The following TENM2 variants were observed in gnomAD, a reference collection of about 807,000 sequenced individuals.
TENM2 encodes the protein teneurin-2.
A neutral mutation model predicts 245.2 loss-of-function variants in TENM2; 52 were observed. The ratio of observed to expected loss-of-function variants is 0.21; its 90% CI spans 0.17 to 0.27. The LOEUF is 0.27. Among genes scored for constraint, TENM2 ranks in the 10% least tolerant of loss-of-function variants. The pLI is 1.00. For missense variants in TENM2, 3,046 were observed against 3,666.8 expected, an observed-to-expected ratio of 0.83 and a Z score of 4.37; for synonymous variants, 1,363 against 1,438.9, an observed-to-expected ratio of 0.95 and a Z score of 1.19.
chr5:167,919,716 T>TG (rs1230865639), intron 3 of TENM2, among the ~76,000 whole-genome samples: 1 of 152,122 alleles, frequency 6.6e-6, no homozygotes, highest in Admixed American at 6.5e-5. Flanking sequence ...GAAATCCCCT[T>TG]ACAGAAAGCA....
chr5:167,164,955 A>G, the TENM2 span: 1 of 152,196 alleles, frequency 6.6e-6, no homozygotes, highest in African/African-American at 2.4e-5. Flanking sequence ...AATCACGATT[A>G]TGTATTTATT....
At chr5:168,095,302 C>T (rs1793273480) in intron 8 of TENM2, among the ~76,000 whole-genome samples, 2 of 152,182 alleles carry the variant, frequency 1.3e-5, no homozygotes, top group African/African-American at 4.8e-5. Context: ...CCAAACTCAA[C>T]TAATGTCACA....
At chr5:167,850,861 C>G (rs796266999) in intron 2 of TENM2, among the ~76,000 whole-genome samples, 1 of 152,164 alleles carries the variant, frequency 6.6e-6, no homozygotes, top group African/African-American at 2.4e-5. Context: ...CTCTGTAGTG[C>G]TGGATTCAGG....
chr5:167,777,464 C>G (rs2911502), intron 2 of TENM2, among the ~76,000 whole-genome samples: 1 of 152,246 alleles, frequency 6.6e-6, no homozygotes, highest in Non-Finnish European at 1.5e-5. Flanking sequence ...GCTATTTGAT[C>G]CAATCAGTGT....
At chr5:168,083,117 G>A (rs961816394) in intron 7 of TENM2, among the ~76,000 whole-genome samples, 3 of 152,188 alleles carry the variant, frequency 2.0e-5, no homozygotes, top group African/African-American at 2.4e-5. Context: ...GAGCTTCCCG[G>A]CCACTTTGTT....
chr5:167,911,595 C>T (rs559794145), intron 3 of TENM2, among the ~76,000 whole-genome samples: 1 of 152,304 alleles, frequency 6.6e-6, no homozygotes, highest in African/African-American at 2.4e-5. Flanking sequence ...CTCTTGGGCA[C>T]CTACCCTAGG....
intron 2 of TENM2, among the ~76,000 whole-genome samples, chr5:167,564,530 A>C (rs145318277): frequency 9.8e-4 from 149 of 152,276 alleles, no homozygotes; most frequent in African/African-American, 3.1e-3. Flanking sequence ...CAGAGTTGGA[A>C]ATAATCAGCA....
At chr5:168,109,955 C>T (rs1204262149) in intron 9 of TENM2, among the ~76,000 whole-genome samples, 1 of 151,772 alleles carries the variant, frequency 6.6e-6, no homozygotes, top group Non-Finnish European at 1.5e-5. Context: ...ATGGCAGTTG[C>T]GTTACCAAAC....
rs543240180 is a variant in TENM2, at chr5:167,942,343, A to G, written c.713-10245A>G. On this transcript the variant is annotated intron_variant, in intron 3 of 28. Transcript: ENST00000518659. ...GTATCTCATTTAACTCTCTTTACCA[A>G]TTAGGAATTGTTATTAACCACCTTT... is the stretch of plus-strand genomic sequence containing the variant. Among the ~76,000 whole-genome samples, 3 of 152,288 alleles carry G rather than the reference A, an allele frequency of 2.0e-5. No homozygotes were observed. The South Asian group carries it at 6.2e-4, about 32-fold the overall frequency.
chr5:167,409,140 G>A (rs1762779658), intron 2 of TENM2, among the ~76,000 whole-genome samples: 1 of 151,864 alleles, frequency 6.6e-6, no homozygotes, highest in African/African-American at 2.4e-5. Context: ...AAGTCTACCT[G>A]TCTAGAAACT....
intron 2 of TENM2, among the ~76,000 whole-genome samples, chr5:167,446,677 G>T: frequency 8.5e-6 from 1 of 117,648 alleles, no homozygotes; most frequent in East Asian, 2.6e-4. Context: ...TAAAAGTTAT[G>T]GAGTAAACCT....
the TENM2 span, among the ~76,000 whole-genome samples, chr5:167,074,637 G>A: frequency 2.6e-5 from 4 of 152,224 alleles, no homozygotes; most frequent in Non-Finnish European, 4.4e-5. Context: ...TTTTGATGGC[G>A]AAGTAATTGA....
At chr5:167,446,049 G>A (rs1765188006) in intron 2 of TENM2, among the ~76,000 whole-genome samples, 1 of 152,170 alleles carries the variant, frequency 6.6e-6, no homozygotes, top group Non-Finnish European at 1.5e-5. Flanking sequence ...TGGGCAATGG[G>A]AGGGAAGCTA....
rs1581100639 is a variant in TENM2, at chr5:168,027,712, C to A, written c.1187-19715C>A. Among the ~76,000 whole-genome samples, 9 of 152,332 alleles carry A rather than the reference C, an allele frequency of 5.9e-5. 1 individual carries two copies. In the South Asian group the frequency reaches 1.9e-3, roughly 32 times the overall value. On this transcript the variant is annotated intron_variant, in intron 5 of 28. Transcript: ENST00000518659. Reference sequence around the variant, plus strand: ...TACTTTCGGAAATATAATGGAACCTCAGCTTTGCGTGGCCCTATCTTGTGT... The same window carrying A: ...TACTTTCGGAAATATAATGGAACCTAAGCTTTGCGTGGCCCTATCTTGTGT...
chr5:168,224,299 T>C (rs186547931), intron 23 of TENM2, among the ~76,000 whole-genome samples: 112 of 152,270 alleles, frequency 7.4e-4, no homozygotes, highest in Admixed American at 5.0e-3. Context: ...GGGCGAGTGA[T>C]AGCGGTGGAT....
At chr5:167,851,684 C>T (rs1472836371) in intron 2 of TENM2, among the ~76,000 whole-genome samples, 5 of 152,154 alleles carry the variant, frequency 3.3e-5, no homozygotes, top group Non-Finnish European at 7.3e-5. Context: ...AAAAGAAGTC[C>T]TGTAGCCAAG....
At position 167,507,839 on chromosome 5, in the gene TENM2, T is replaced by G. The variant is rs575274089; in HGVS notation, c.502+132366T>G. 1.2e-4 allele frequency among the ~76,000 whole-genome samples: 19 copies of G among 152,162 alleles called. 1 individual carries two copies. Among genetic ancestry groups the G allele is most frequent in the Non-Finnish European group, 2.4e-4 (16 of 68,048 alleles). On this transcript the variant is annotated intron_variant, in intron 2 of 28. Coordinates refer to ENST00000518659, the Ensembl canonical transcript of TENM2. ...TTTCCTCTTGTTTTGTTTTCTTTCT[T>G]TTTTCTTTTTTTAATGAAATCCATA...
At chr5:167,701,197 C>T (rs1401007771) in intron 2 of TENM2, among the ~76,000 whole-genome samples, 1 of 152,066 alleles carries the variant, frequency 6.6e-6, no homozygotes, top group Non-Finnish European at 1.5e-5. Flanking sequence ...CTAGCTATTA[C>T]ATTTTTTCCC....
intron 2 of TENM2, among the ~76,000 whole-genome samples, chr5:167,824,005 T>A (rs1399630494): frequency 6.6e-6 from 1 of 152,084 alleles, no homozygotes; most frequent in Non-Finnish European, 1.5e-5. Context: ...CCACCTTACC[T>A]AATTCAGGTT....
Sources: allele counts gnomAD v4.1 joint callset (sites outside exome capture counted in the v4.1 genomes callset), GRCh38; gene constraint gnomAD v4.1.1; transcripts MANE v1.5; gene names NCBI Gene and HGNC (gene_info 2026-07-23, HGNC 2026-07-21).